Variants in ZNF704 observed in about 807,000 individuals in gnomAD.
The protein encoded by ZNF704 is glucocorticoid induced gene 1.
A neutral mutation model predicts 44.7 loss-of-function variants in ZNF704; 10 were observed. The observed-to-expected ratio is 0.22, with a 90% confidence interval of 0.14 to 0.38. ZNF704 has a LOEUF of 0.38. ZNF704 is among the 10% of genes least tolerant of loss of function. The pLI is 1.00. For missense variants in ZNF704, 390 were observed against 545.5 expected (o/e 0.71, Z 2.84); for synonymous variants, 211 against 207.6 (o/e 1.02, Z -0.14).
At chr8:80,792,055 T>C (rs1469855825) in intron 2 of ZNF704, among the ~76,000 whole-genome samples, 1 of 151,884 alleles carries the variant, frequency 6.6e-6, no homozygotes, top group Non-Finnish European at 1.5e-5. Flanking sequence ...GGGGCACATC[T>C]GATGTGGAGG....
chr8:80,830,608 A>T (rs1033956611), intron 1 of ZNF704, among the ~76,000 whole-genome samples: 2 of 151,934 alleles, frequency 1.3e-5, no homozygotes, highest in African/African-American at 4.8e-5. Flanking sequence ...CAATGGGAGG[A>T]ATGTTGTGGC....
Position 80,780,355 on chromosome 8 carries a change from G to A in ZNF704, c.221+41019C>T, listed in dbSNP as rs759086104. Among the ~76,000 whole-genome samples the A allele has an allele frequency of 1.9e-4, 29 of 152,310 alleles. 1 individual carries two copies. Among genetic ancestry groups the A allele is most frequent in the Middle Eastern group, 6.8e-3 (2 of 294 alleles). ...TATGGCAGAAAGAGATCAGAATGGT[G>A]CAAGTAGGACTTGAGAAGCGGATGG... On this transcript the variant is annotated intron_variant, in intron 2 of 8. Transcript: ENST00000327835.
chr8:80,808,870 G>A (rs536249094), intron 2 of ZNF704, among the ~76,000 whole-genome samples: 1 of 152,346 alleles, frequency 6.6e-6, no homozygotes, highest in South Asian at 2.1e-4. Context: ...ATAGTTTTCT[G>A]TTTTATTCAG....
chr8:80,769,922 G>A (rs1385628164), intron 2 of ZNF704, among the ~76,000 whole-genome samples: 2 of 152,176 alleles, frequency 1.3e-5, no homozygotes, highest in African/African-American at 4.8e-5. Flanking sequence ...AAAGGAAAGA[G>A]GTTTATTGGA....
At chr8:80,751,088 A>G (rs1054388791) in intron 2 of ZNF704, among the ~76,000 whole-genome samples, 2 of 152,182 alleles carry the variant, frequency 1.3e-5, no homozygotes, top group African/African-American at 4.8e-5. Flanking sequence ...TAATGAGAAA[A>G]CTTTTGCTTT....
intron 7 of ZNF704, among the ~76,000 whole-genome samples, chr8:80,657,066 T>C (rs1818027151): frequency 6.6e-6 from 1 of 152,112 alleles, no homozygotes; most frequent in African/African-American, 2.4e-5. Context: ...GGACAGCTGC[T>C]GGCATGCTGT....
chr8:80,689,901 CCT>C (rs1394293797), intron 3 of ZNF704, among the ~76,000 whole-genome samples: 2 of 152,082 alleles, frequency 1.3e-5, no homozygotes, highest in African/African-American at 4.8e-5. Context: ...TTATATTAAA[CCT>C]CTGTTTGTCA....
rs557089341 is a variant in ZNF704, at chr8:80,826,492, G to GTGTAC, written c.-21-4878_-21-4877insGTACA. 8.4e-3 allele frequency among the ~76,000 whole-genome samples: 1,282 copies of GTGTAC among 152,236 alleles called. 19 individuals carry two copies. The highest frequency in any genetic ancestry group is 0.029 in the African/African-American group (1,186 of 41,530). ...GGATTCACAGGCGAATTCTACCAGA[G>GTGTAC]GTACAAAGAGGAGCTGGTACCATTC... On this transcript the variant is annotated intron_variant, in intron 1 of 8. Coordinates refer to ENST00000327835, the MANE Select transcript of ZNF704 (RefSeq NM_001033723.3).
chr8:80,694,323 A>T (rs148134868), intron 2 of ZNF704: 3 of 152,192 alleles, frequency 2.0e-5, no homozygotes, highest in African/African-American at 7.2e-5. Context: ...ATAAAGGTTC[A>T]TAAGATTATG....
the ZNF704 span, among the ~76,000 whole-genome samples, chr8:80,879,968 A>G: frequency 6.6e-6 from 1 of 152,144 alleles, no homozygotes; most frequent in African/African-American, 2.4e-5. Flanking sequence ...GGGTAATCCA[A>G]CCACACATGA....
chr8:80,740,572 C>A (rs566865567), intron 2 of ZNF704, among the ~76,000 whole-genome samples: 29 of 152,266 alleles, frequency 1.9e-4, no homozygotes, highest in African/African-American at 7.0e-4. Context: ...AGTGCAAGAT[C>A]TCAGGATTAT....
the ZNF704 span, among the ~76,000 whole-genome samples, chr8:80,880,151 AG>A: frequency 5.3e-5 from 8 of 152,202 alleles, no homozygotes; most frequent in Non-Finnish European, 1.0e-4. Context: ...CCAGATCCAC[AG>A]GCAGCTCTGG....
chr8:80,728,433 G>A (rs1163095705), intron 2 of ZNF704, among the ~76,000 whole-genome samples: 1 of 152,142 alleles, frequency 6.6e-6, no homozygotes, highest in Non-Finnish European at 1.5e-5. Context: ...ATCAAACCTA[G>A]AATATCTTCC....
chr8:80,805,961 A>G (rs1320784449), intron 2 of ZNF704, among the ~76,000 whole-genome samples: 1 of 152,188 alleles, frequency 6.6e-6, no homozygotes, highest in African/African-American at 2.4e-5. Flanking sequence ...GTCTTCAAAC[A>G]GCACTGCTGT....
chr8:80,662,732 T>C (rs1818120552), intron 6 of ZNF704, among the ~76,000 whole-genome samples: 3 of 152,226 alleles, frequency 2.0e-5, no homozygotes. Context: ...AGCCATAAAC[T>C]GTTCCCTCAT....
rs1267439586 is a variant in ZNF704, at chr8:80,631,376, T to C, written c.*9990A>G. 2 of 152,154 alleles carry C rather than the reference T, an allele frequency of 1.3e-5. No individual in the cohort carries two copies. Among genetic ancestry groups the C allele is most frequent in the Non-Finnish European group, 2.9e-5 (2 of 68,034 alleles). 9.4% of individuals were successfully genotyped at this position (152,154 alleles called of 1,614,324 possible). ...AGGGACAAGTGCTTAACAACATGAG[T>C]GGACTGAAGTCCTTTTCTCTTTCCA... is the stretch of plus-strand genomic sequence containing the variant. On this transcript the variant is annotated 3_prime_UTR_variant, in exon 9 of 9. Transcript: ENST00000327835.
intron 2 of ZNF704, among the ~76,000 whole-genome samples, chr8:80,786,517 T>C (rs1360847419): frequency 6.6e-6 from 1 of 152,172 alleles, no homozygotes; most frequent in Non-Finnish European, 1.5e-5. Flanking sequence ...ATTCAAATAT[T>C]TGAGTGACTG....
intron 2 of ZNF704, among the ~76,000 whole-genome samples, chr8:80,709,262 G>A (rs193189347): frequency 1.3e-5 from 2 of 151,852 alleles, no homozygotes; most frequent in East Asian, 3.9e-4. Flanking sequence ...GGCTAACACG[G>A]TGAAACCCCG....
At chr8:80,855,524 A>T (rs1029309608) in intron 1 of ZNF704, among the ~76,000 whole-genome samples, 3 of 152,184 alleles carry the variant, frequency 2.0e-5, no homozygotes, top group African/African-American at 7.2e-5. Flanking sequence ...AGATACAGAA[A>T]GACAAATATC....
Sources: allele counts gnomAD v4.1 joint callset (sites outside exome capture counted in the v4.1 genomes callset), GRCh38; gene constraint gnomAD v4.1.1; transcripts MANE v1.5; gene names NCBI Gene and HGNC (gene_info 2026-07-23, HGNC 2026-07-21).